ADD3: variants seen among roughly 807,000 people sequenced by gnomAD.
The protein encoded by ADD3 is adducin 3, also known as gamma-adducin.
ADD3 carries 25 observed loss-of-function variants against 80.2 expected under a neutral mutation model. That is an observed-to-expected ratio of 0.31 (90% CI 0.23 to 0.44). ADD3 has a LOEUF of 0.44. Among genes scored for constraint, ADD3 ranks in the 20% least tolerant of loss-of-function variants. ADD3 has a pLI of 1.00. For synonymous variants in ADD3, 284 were observed against 289.6 expected (o/e 0.98, Z 0.20); for missense variants, 829 against 847.5 (o/e 0.98, Z 0.27).
At position 110,044,370 on chromosome 10, in the gene ADD3, T is replaced by A. The variant is rs527923551; in HGVS notation, c.-30+36071T>A. Among the ~76,000 whole-genome samples, 3 of 152,338 alleles carry A rather than the reference T, an allele frequency of 2.0e-5. No homozygotes were observed. In the South Asian group the frequency reaches 6.2e-4, roughly 32 times the overall value. ...ACCATTGGCTCCTTGACAGTGAGAATCATATATTTTTATCTTTGTGTTTCT... is the reference window on the plus strand; with the variant it reads ...ACCATTGGCTCCTTGACAGTGAGAAACATATATTTTTATCTTTGTGTTTCT... On this transcript the variant is annotated intron_variant, in intron 1 of 14. Coordinates refer to ENST00000356080, the MANE Select transcript of ADD3 (RefSeq NM_016824.5).
chr10:110,018,909 T>C (rs1008251099), intron 1 of ADD3, among the ~76,000 whole-genome samples: 8 of 152,158 alleles, frequency 5.3e-5, no homozygotes, highest in African/African-American at 1.7e-4. Context: ...CATATGAAAA[T>C]TCCTGCTTTT....
rs765848314 is a variant in ADD3 at position 110,122,153 on chromosome 10, T to C, written c.1004T>C (p.Val335Ala). Residue 335 changes from valine (V) to alanine (A), a missense_variant, in exon 9 of 15, where the codon GTA becomes GCA. Physicochemically the swap from Val to Ala is moderately conservative, Grantham distance 64 (BLOSUM62 0). Coordinates refer to ENST00000356080, the MANE Select transcript of ADD3 (RefSeq NM_016824.5). ...AGAGGVDNLH[V>A]LDFQKYKAFT... The stretch of plus-strand genomic sequence containing the variant: ...GCAGGTGGAGTAGACAATCTCCATG[T>C]ACTGGACTTTCAGAAGTATAAAGCT... 2.0e-5 allele frequency: 33 copies of C among 1,614,188 alleles called. No homozygotes were observed. Among genetic ancestry groups the C allele is most frequent in the Non-Finnish European group, 2.8e-5 (33 of 1,179,990 alleles).
chr10:110,115,383 C>G (rs1287246832), intron 3 of ADD3, among the ~76,000 whole-genome samples: 2 of 147,616 alleles, frequency 1.4e-5, no homozygotes, highest in Admixed American at 1.3e-4. Flanking sequence ...GAGTGAAACT[C>G]CGTCTCAAAA....
chr10:110,070,744 T>C (rs1180813071), intron 1 of ADD3, among the ~76,000 whole-genome samples: 2 of 151,854 alleles, frequency 1.3e-5, no homozygotes, highest in African/African-American at 4.8e-5. Context: ...AGGATAAAGA[T>C]TGGGGGGTAG....
chr10:110,103,252 A>G (rs1849039577), intron 2 of ADD3, among the ~76,000 whole-genome samples: 1 of 152,238 alleles, frequency 6.6e-6, no homozygotes, highest in African/African-American at 2.4e-5. Flanking sequence ...TGAATAACAA[A>G]TTATTCCAGA....
intron 2 of ADD3, among the ~76,000 whole-genome samples, chr10:110,110,557 C>G (rs1211950267): frequency 2.0e-5 from 3 of 152,160 alleles, no homozygotes; most frequent in African/African-American, 7.2e-5. Flanking sequence ...GCACCCAGCT[C>G]TTAGAGTTCA....
chr10:110,041,234 G>C (rs1182310729), intron 1 of ADD3, among the ~76,000 whole-genome samples: 1 of 152,214 alleles, frequency 6.6e-6, no homozygotes, highest in Non-Finnish European at 1.5e-5. Flanking sequence ...GTAAATAACA[G>C]ATCTGTGAAT....
At chr10:110,129,268 G>A (rs552015509) in intron 12 of ADD3, among the ~76,000 whole-genome samples, 5 of 151,732 alleles carry the variant, frequency 3.3e-5, no homozygotes, top group Admixed American at 1.3e-4. Context: ...TCCTGCCTCA[G>A]CCTCCTGAGT....
upstream of ADD3, among the ~76,000 whole-genome samples, chr10:110,007,661 C>T (rs1195493730): frequency 6.6e-6 from 1 of 152,168 alleles, no homozygotes; most frequent in Non-Finnish European, 1.5e-5. Context: ...ACCAGGCCCT[C>T]CCGGCTGCCG....
intron 1 of ADD3, among the ~76,000 whole-genome samples, chr10:110,082,994 G>C (rs1190100047): frequency 1.3e-5 from 2 of 152,110 alleles, no homozygotes; most frequent in Non-Finnish European, 1.5e-5. Context: ...TAGAGAATGG[G>C]GGTATTATGA....
intron 1 of ADD3, among the ~76,000 whole-genome samples, chr10:110,052,288 AT>A (rs1450317219): frequency 6.6e-6 from 1 of 152,146 alleles, no homozygotes; most frequent in Non-Finnish European, 1.5e-5. Context: ...CTCATAAGAT[AT>A]CTGCTTCAGC....
chr10:110,073,344 G>A (rs1002668551), intron 1 of ADD3, among the ~76,000 whole-genome samples: 3 of 151,654 alleles, frequency 2.0e-5, no homozygotes, highest in Non-Finnish European at 4.4e-5. Flanking sequence ...GGATTTCACC[G>A]TGTTAGCCAG....
At chr10:110,093,171 G>C (rs956168224) in intron 1 of ADD3, among the ~76,000 whole-genome samples, 1 of 152,114 alleles carries the variant, frequency 6.6e-6, no homozygotes, top group East Asian at 1.9e-4. Flanking sequence ...AGTTGTAAAG[G>C]ATATTAAATG....
upstream of ADD3, among the ~76,000 whole-genome samples, chr10:110,006,669 T>C (rs971961914): frequency 2.0e-5 from 3 of 152,160 alleles, no homozygotes; most frequent in Non-Finnish European, 2.9e-5. Context: ...CATCACAGTT[T>C]GTGTCAAGAC....
intron 1 of ADD3, among the ~76,000 whole-genome samples, chr10:110,059,928 G>C (rs1265875444): frequency 6.6e-6 from 1 of 152,182 alleles, no homozygotes; most frequent in African/African-American, 2.4e-5. Context: ...CATGATGAAA[G>C]GTTATTCTGT....
intron 2 of ADD3, among the ~76,000 whole-genome samples, chr10:110,105,518 T>C (rs1010754671): frequency 6.6e-6 from 1 of 152,216 alleles, no homozygotes; most frequent in African/African-American, 2.4e-5. Context: ...AACAGGCTCC[T>C]ACTGAACTTG....
At chr10:110,119,095 A>G (rs571566714) in intron 6 of ADD3, 116 bp from the exon 7 acceptor site, 13 of 1,117,054 alleles carry the variant, frequency 1.2e-5, no homozygotes, top group African/African-American at 9.4e-5. Flanking sequence ...GTGGGCTGCA[A>G]TGGTGAAACA....
At chr10:110,058,819 AT>A (rs1858525194) in intron 1 of ADD3, among the ~76,000 whole-genome samples, 1 of 152,152 alleles carries the variant, frequency 6.6e-6, no homozygotes, top group East Asian at 1.9e-4. Context: ...CTAGCTCATG[AT>A]TCTTTTCAGT....
At chr10:110,075,749 G>A (rs1564932935) in intron 1 of ADD3, 1 of 152,200 alleles carries the variant, frequency 6.6e-6, no homozygotes, top group Non-Finnish European at 1.5e-5. Flanking sequence ...AGATGAGGAA[G>A]AGCCAAGAGA....
Sources: gnomAD v4.1 joint callset for allele counts (sites outside exome capture counted in the v4.1 genomes callset) on GRCh38, gnomAD v4.1.1 for gene constraint, MANE v1.5 for transcripts, NCBI Gene and HGNC (gene_info 2026-07-23, HGNC 2026-07-21) for gene names.